Variants in RSPO4 observed in about 807,000 individuals in gnomAD.
The protein encoded by RSPO4 is R-spondin-4.
Under a neutral mutation model 24.8 loss-of-function variants are expected in RSPO4, and 23 were observed. The ratio of observed to expected loss-of-function variants is 0.93; its 90% CI spans 0.67 to 1.31. The LOEUF (loss-of-function observed/expected upper bound fraction) is 1.31. Ranked by LOEUF, RSPO4 falls within the 40% of genes most tolerant of loss-of-function variation. RSPO4 has a pLI of 0.00. For synonymous variants in RSPO4, 141 were observed against 127.4 expected (o/e 1.11, Z -0.72); for missense variants, 333 against 316.5 (o/e 1.05, Z -0.39).
chr20:962,293 G>A (rs995470997), intron 4 of RSPO4, among the ~76,000 whole-genome samples: 8 of 152,202 alleles, frequency 5.3e-5, no homozygotes, highest in African/African-American at 1.9e-4. Flanking sequence ...TCTCTGAGGA[G>A]GAGCCACTGC....
intron 1 of RSPO4, among the ~76,000 whole-genome samples, chr20:991,995 G>C (rs1345601157): frequency 1.3e-5 from 2 of 151,744 alleles, no homozygotes; most frequent in African/African-American, 2.4e-5. Context: ...AGGGAGGCGG[G>C]GGAAGTGAAT....
At chr20:972,840 C>T (rs1984449983) in intron 1 of RSPO4, among the ~76,000 whole-genome samples, 1 of 152,230 alleles carries the variant, frequency 6.6e-6, no homozygotes, top group South Asian at 2.1e-4. Flanking sequence ...AGAGGCGACC[C>T]CACTACCAAA....
chr20:959,439 G>A lies in RSPO4; in HGVS notation c.*918C>T. 1 of 152,554 alleles carries A rather than the reference G, an allele frequency of 6.6e-6. No homozygotes were observed. The highest frequency in any genetic ancestry group is 1.5e-5 in the Non-Finnish European group (1 of 68,198). 9.5% of individuals were successfully genotyped at this position (152,554 alleles called of 1,614,324 possible). A position where few individuals can be genotyped will look rare whatever the true frequency, so the allele number is the denominator to read the frequency against. On this transcript the variant is annotated 3_prime_UTR_variant, in exon 5 of 5. Transcript: ENST00000217260. Reference sequence around the variant, plus strand: ...ACATGGGCAGGAAGCGCTGAGGTGGGGAACAGAGCTGCTGGATAATCTCAG... The same window carrying A: ...ACATGGGCAGGAAGCGCTGAGGTGGAGAACAGAGCTGCTGGATAATCTCAG...
In RSPO4 at chr20:968,158, A is replaced by G; in HGVS notation, c.80-20T>C. On this transcript the variant is annotated intron_variant, in intron 1 of 4. Coordinates refer to ENST00000217260, the MANE Select transcript of RSPO4 (RefSeq NM_001029871.4). ...TGCCCACTGCCCACAAGACCAGGGCAGAAGGAGGGGGAAAGGGAGAGAGAG... is the reference window on the plus strand; with the variant it reads ...TGCCCACTGCCCACAAGACCAGGGCGGAAGGAGGGGGAAAGGGAGAGAGAG... 6.2e-7 allele frequency: 1 copy of G among 1,611,426 alleles called. No individual in the cohort carries two copies. Among genetic ancestry groups the G allele is most frequent in the Non-Finnish European group, 8.5e-7 (1 of 1,177,940 alleles).
intron 2 of RSPO4, 41 bp downstream of exon 2, chr20:967,909 G>T: frequency 6.3e-7 from 1 of 1,585,748 alleles, no homozygotes; most frequent in Non-Finnish European, 8.7e-7. Flanking sequence ...ATGGTGTCTA[G>T]GAGCCCAGCA....
chr20:976,750 C>CT (rs1234291874), intron 1 of RSPO4, among the ~76,000 whole-genome samples: 3 of 152,154 alleles, frequency 2.0e-5, no homozygotes, highest in African/African-American at 4.8e-5. Context: ...CCCAGTGAAT[C>CT]TGTCATTGAA....
chr20:964,235 C>G (rs1416757788), intron 3 of RSPO4, 115 bp from the exon 4 acceptor site: 11 of 734,166 alleles, frequency 1.5e-5, no homozygotes, highest in Non-Finnish European at 2.2e-5. Flanking sequence ...ACTGAAGACA[C>G]CACTTCCACC....
chr20:978,357 G>C (rs1984632839), intron 1 of RSPO4, among the ~76,000 whole-genome samples: 2 of 152,224 alleles, frequency 1.3e-5, no homozygotes, highest in African/African-American at 2.4e-5. Context: ...GCTTAGCACA[G>C]CTCACGGCAG....
chr20:993,727 C>T (rs1185607383), intron 1 of RSPO4, among the ~76,000 whole-genome samples: 1 of 152,178 alleles, frequency 6.6e-6, no homozygotes, highest in Admixed American at 6.5e-5. Flanking sequence ...GGGGTAGAAA[C>T]ATGAAATTGC....
chr20:976,897 G>GA (rs1188527753), intron 1 of RSPO4, among the ~76,000 whole-genome samples: 1 of 152,112 alleles, frequency 6.6e-6, no homozygotes, highest in Non-Finnish European at 1.5e-5. Flanking sequence ...AACTTCTCTG[G>GA]AAAAAGTCAG....
At chr20:984,842 C>CCCATCCAT (rs1310640552) in intron 1 of RSPO4, among the ~76,000 whole-genome samples, 1 of 151,910 alleles carries the variant, frequency 6.6e-6, no homozygotes, top group Non-Finnish European at 1.5e-5. Context: ...CCACTGTTCA[C>CCCATCCAT]CCATCCATCC....
intron 2 of RSPO4, among the ~76,000 whole-genome samples, chr20:967,703 C>T (rs1314235243): frequency 6.6e-6 from 1 of 152,238 alleles, no homozygotes; most frequent in Non-Finnish European, 1.5e-5. Context: ...GAGTTACATG[C>T]CTAAGGCCAC....
chr20:964,731 TACAC>T (rs756647472), intron 3 of RSPO4, among the ~76,000 whole-genome samples: 1 of 148,010 alleles, frequency 6.8e-6, no homozygotes, highest in Non-Finnish European at 1.5e-5. Context: ...CACATATATA[TACAC>T]ACACACACAT....
At chr20:966,104 G>T (rs1217795061) in intron 3 of RSPO4, among the ~76,000 whole-genome samples, 2 of 152,168 alleles carry the variant, frequency 1.3e-5, no homozygotes, top group Admixed American at 1.3e-4. Context: ...GCACCCAGAG[G>T]GCAGTGGAGG....
chr20:972,288 A>G (rs911834156), intron 1 of RSPO4, among the ~76,000 whole-genome samples: 5 of 151,136 alleles, frequency 3.3e-5, no homozygotes, highest in East Asian at 1.9e-4. Context: ...CCGGTCTAAA[A>G]CTCCTGGGCT....
rs541775526 is a variant in RSPO4, at chr20:981,537, TATAAAATAAA to T, written c.80-13409_80-13400del. 1.3e-5 allele frequency among the ~76,000 whole-genome samples: 2 copies of T among 151,840 alleles called. No homozygotes were observed. The highest frequency in any genetic ancestry group is 2.1e-4 in the South Asian group (1 of 4,790). On this transcript the variant is annotated intron_variant, in intron 1 of 4. Coordinates refer to ENST00000217260, the MANE Select transcript of RSPO4 (RefSeq NM_001029871.4). This position sits in a 1 kb window ranked among gnomAD's most constrained non-coding sequence, Gnocchi z 4.6. ...AGACGCTGTCTCAAAAAAGATAAGA[TATAAAATAAA>T]ATAAAATAAAAATAAAATATCAAAT...
chr20:964,061 A>C lies in RSPO4; in HGVS notation c.469T>G (p.Cys157Gly), dbSNP rs1568904464. The C allele has an allele frequency of 6.2e-7, 1 of 1,613,776 alleles. No homozygotes were observed. The highest frequency in any genetic ancestry group is 1.7e-5 in the Admixed American group (1 of 60,014). The part of the protein sequence containing the change: ...WSPCTHNGKT[C>G]GSAWGLESRV... ...CTCTCCAGGCCCCAAGCCGAGCCGCAGGTCTTTCCATTGTGTGTGCAGGGG... is the reference window on the plus strand; with the variant it reads ...CTCTCCAGGCCCCAAGCCGAGCCGCCGGTCTTTCCATTGTGTGTGCAGGGG... Residue 157 changes from cysteine to glycine, a missense_variant, in exon 4 of 5, where the codon TGC (cysteine) becomes GGC (glycine). By Grantham distance (159) the Cys-to-Gly change is radical. Transcript: ENST00000217260.
chr20:979,425 A>T (rs956961105), intron 1 of RSPO4, among the ~76,000 whole-genome samples: 1 of 152,212 alleles, frequency 6.6e-6, no homozygotes, highest in Non-Finnish European at 1.5e-5. Context: ...TGAGTCCAGT[A>T]ATGCCTCCAA....
rs576106571 is a variant in RSPO4, at chr20:959,940, T to C, written c.*417A>G. 1.2e-4 allele frequency: 23 copies of C among 191,924 alleles called. No individual in the cohort carries two copies. The highest frequency in any genetic ancestry group is 4.9e-3 in the Middle Eastern group (2 of 410). The allele number at this position is 191,924 out of a possible 1,614,324, so 11.9% of individuals were successfully genotyped here. A position where few individuals can be genotyped will look rare whatever the true frequency, so the allele number is the denominator to read the frequency against. ...TCAGGGAAAGGCCTGGGAAAAGATG[T>C]TTGCTTTCTTTAAGTTGTAGATAGA... On this transcript the variant is annotated 3_prime_UTR_variant, in exon 5 of 5. Transcript: ENST00000217260.
Sources: allele counts gnomAD v4.1 joint callset (sites outside exome capture counted in the v4.1 genomes callset), GRCh38; gene constraint gnomAD v4.1.1; non-coding constraint Gnocchi (gnomAD v3.1); transcripts MANE v1.5; gene names NCBI Gene and HGNC (gene_info 2026-07-23, HGNC 2026-07-21).